KRT73: variants seen among roughly 807,000 people sequenced by gnomAD.
KRT73 encodes the protein keratin 73.
In KRT73, 44 loss-of-function variants were observed where a neutral mutation model predicts 47.2. The observed-to-expected ratio is 0.93, with a 90% CI of 0.73 to 1.20. The LOEUF is 1.20. Ranked by LOEUF, KRT73 falls within the 50% of genes most tolerant of loss-of-function variation. The pLI is 0.00. For missense variants in KRT73, 713 were observed against 704.5 expected (o/e 1.01, Z -0.14); for synonymous variants, 285 against 291.3 (o/e 0.98, Z 0.22).
chr12:52,613,592 A>G, intron 5 of KRT73, 96 bp downstream of exon 5: 24 of 1,559,190 alleles, frequency 1.5e-5, no homozygotes, highest in Non-Finnish European at 2.0e-5. Context: ...GCTCCCAGCA[A>G]GCTATGGGCC....
In KRT73 at chr12:52,618,066, A is replaced by G. The variant is rs989361194; in HGVS notation, c.447+12T>C. ...GGGGAGCCCAAGATCAGCTTTCTCC[A>G]GAAAGACCCACCTTGTCAATGAAGG... On this transcript the variant is annotated intron_variant, in intron 1 of 8. Coordinates refer to ENST00000305748, the MANE Select transcript of KRT73 (RefSeq NM_175068.3). 9.3e-6 allele frequency: 15 copies of G among 1,612,494 alleles called. No homozygotes were observed. The highest frequency in any genetic ancestry group is 2.2e-5 in the South Asian group (2 of 90,762).
chr12:52,629,242 C>A, the KRT73 span, among the ~76,000 whole-genome samples: 4 of 152,200 alleles, frequency 2.6e-5, no homozygotes, highest in South Asian at 8.3e-4. Context: ...TGTGCACCCC[C>A]ACACCCCTTC....
At position 52,613,705 on chromosome 12, in the gene KRT73, C is replaced by T. The variant is rs759632289; in HGVS notation, c.967G>A (p.Ala323Thr). ...GGCCTCACCTTGGTCTGGTACAGGG[C>T]CTCGGCCTCGGCCTTGCTCTTCCGG... is the stretch of plus-strand genomic sequence containing the variant. Reference protein sequence around the residue: ...IARKSKAEAEALYQTKFQELQ... With the variant: ...IARKSKAEAETLYQTKFQELQ... Residue 323 changes from alanine to threonine, a missense_variant, in exon 5 of 9, where the codon GCC becomes ACC. Physicochemically the swap from Ala to Thr is moderately conservative, Grantham distance 58. Coordinates refer to ENST00000305748, the MANE Select transcript of KRT73 (RefSeq NM_175068.3). 2.5e-6 allele frequency: 4 copies of T among 1,613,924 alleles called. No homozygotes were observed. Among genetic ancestry groups the T allele is most frequent in the African/African-American group, 2.7e-5 (2 of 74,930 alleles).
chr12:52,625,894 T>C, the KRT73 span, among the ~76,000 whole-genome samples: 1 of 152,112 alleles, frequency 6.6e-6, no homozygotes, highest in Non-Finnish European at 1.5e-5. Flanking sequence ...ATGATTTGTA[T>C]ATTGTATGAT....
upstream of KRT73, among the ~76,000 whole-genome samples, chr12:52,620,261 C>G (rs1042804747): frequency 6.6e-6 from 1 of 151,714 alleles, no homozygotes; most frequent in African/African-American, 2.4e-5. Context: ...TGCAACACCA[C>G]GCCCGGCTAA....
the KRT73 span, among the ~76,000 whole-genome samples, chr12:52,626,623 A>G: frequency 2.0e-5 from 3 of 152,074 alleles, no homozygotes; most frequent in Non-Finnish European, 2.9e-5. Context: ...GTGGCTGGCC[A>G]TGTGCTCATC....
At chr12:52,619,507 C>A (rs1368204560), upstream of KRT73, among the ~76,000 whole-genome samples, 3 of 152,308 alleles carry the variant, frequency 2.0e-5, no homozygotes, top group South Asian at 6.2e-4. Context: ...CTTGAGGACT[C>A]CCTTGGCTGG....
chr12:52,610,700 C>A lies in KRT73; in HGVS notation c.1246G>T (p.Glu416Ter). ...AKEELARMLR[E>*]YQELLSVKLS... ...TTCACGCTCAAAAGCTCTTGGTACT[C>A]GCGCAGCATCCGTGCCAGCTCCTCC... is the stretch of plus-strand genomic sequence containing the variant. Residue 416 changes from glutamate to a stop codon, truncating the protein, a stop_gained, in exon 7 of 9, where the codon GAG becomes TAG. Coordinates refer to ENST00000305748, the MANE Select transcript of KRT73 (RefSeq NM_175068.3). LOFTEE classifies it high-confidence loss of function. 6.2e-7 allele frequency: 1 copy of A among 1,614,046 alleles called. No individual in the cohort carries two copies. The highest frequency in any genetic ancestry group is 8.5e-7 in the Non-Finnish European group (1 of 1,180,018).
At chr12:52,620,461 T>C (rs1940888534), upstream of KRT73, among the ~76,000 whole-genome samples, 1 of 152,182 alleles carries the variant, frequency 6.6e-6, no homozygotes, top group Non-Finnish European at 1.5e-5. Context: ...CCAACAAAAC[T>C]GCATTGTGAT....
intron 1 of KRT73, among the ~76,000 whole-genome samples, chr12:52,617,430 T>C (rs772076540): frequency 2.0e-5 from 3 of 152,208 alleles, no homozygotes; most frequent in Non-Finnish European, 4.4e-5. Context: ...GTGTGCATTC[T>C]AACAAGCGTC....
chr12:52,609,596 C>T (rs1940652840), intron 7 of KRT73, among the ~76,000 whole-genome samples: 1 of 152,190 alleles, frequency 6.6e-6, no homozygotes, highest in Admixed American at 6.5e-5. Context: ...TGAATAAATA[C>T]ATATGTGGAA....
upstream of KRT73, among the ~76,000 whole-genome samples, chr12:52,623,287 C>A (rs985058950): frequency 8.5e-5 from 13 of 152,224 alleles, no homozygotes; most frequent in African/African-American, 2.9e-4. Flanking sequence ...CAGAAGATTT[C>A]TCATCATAAA....
upstream of KRT73, among the ~76,000 whole-genome samples, chr12:52,621,161 G>A (rs2120892144): frequency 6.6e-6 from 1 of 152,042 alleles, no homozygotes; most frequent in East Asian, 1.9e-4. Context: ...CTCACCAGGG[G>A]AAACTCAATG....
chr12:52,617,726 G>A (rs538369725), intron 1 of KRT73, among the ~76,000 whole-genome samples: 3 of 152,320 alleles, frequency 2.0e-5, no homozygotes, highest in African/African-American at 7.2e-5. Context: ...GGGCTAGGCT[G>A]CTGGCTCCTC....
At chr12:52,608,735 C>T (rs1363989070) in intron 8 of KRT73, among the ~76,000 whole-genome samples, 1 of 152,214 alleles carries the variant, frequency 6.6e-6, no homozygotes, top group African/African-American at 2.4e-5. Context: ...GATAAGCCAG[C>T]AGGTTCTTGC....
the KRT73 span, among the ~76,000 whole-genome samples, chr12:52,625,727 C>T: frequency 6.6e-6 from 1 of 152,110 alleles, no homozygotes; most frequent in East Asian, 1.9e-4. Context: ...AAAATGCAAA[C>T]AATCCAGGTG....
At chr12:52,614,011 C>G in intron 4 of KRT73, 159 bp from the exon 5 acceptor site, 2 of 1,078,488 alleles carry the variant, frequency 1.9e-6, no homozygotes, top group Non-Finnish European at 2.6e-6. Context: ...CCAGAGGTTC[C>G]AATACCACAT....
At position 52,610,795 on chromosome 12, in the gene KRT73, C is replaced by A; in HGVS notation, c.1151G>T (p.Arg384Leu). 2 of 1,613,362 alleles carry A rather than the reference C, an allele frequency of 1.2e-6. No homozygotes were observed. The highest frequency in any genetic ancestry group is 1.1e-5 in the South Asian group (1 of 91,052). The change falls in exon 7 of 9, where the codon CGG becomes CTG. Residue 384 changes from arginine to leucine, a missense_variant. Arg to Leu is a moderately radical substitution (Grantham distance 102). Coordinates refer to ENST00000305748, the MANE Select transcript of KRT73 (RefSeq NM_175068.3). ...GGCATCCTTGAGGGCACAGTCCCCC[C>A]GCTGCTCGGCGTCAGCGATGGCCGT... ...LETAIADAEQRGDCALKDARA... is the reference protein window; with the variant it reads ...LETAIADAEQLGDCALKDARA...
chr12:52,625,208 A>G, the KRT73 span, among the ~76,000 whole-genome samples: 1 of 152,168 alleles, frequency 6.6e-6, no homozygotes, highest in Non-Finnish European at 1.5e-5. Context: ...ATGAGAAGAC[A>G]AGCAATGGAC....
Sources: allele counts gnomAD v4.1 joint callset (sites outside exome capture counted in the v4.1 genomes callset), GRCh38; gene constraint gnomAD v4.1.1; transcripts MANE v1.5; gene names NCBI Gene and HGNC (gene_info 2026-07-23, HGNC 2026-07-21).